The following DLG2 variants were observed in gnomAD, a reference collection of about 807,000 sequenced individuals.
DLG2 encodes disks large homolog 2.
In DLG2, 45 loss-of-function variants were observed where a neutral mutation model predicts 132.5. The observed-to-expected ratio is 0.34, with a 90% CI of 0.27 to 0.44. The LOEUF (loss-of-function observed/expected upper bound fraction) is 0.44, where lower values mean the gene tolerates loss of function less well. DLG2 is among the 20% of genes least tolerant of loss of function. The pLI, the probability that DLG2 is intolerant of heterozygous loss-of-function variation, is 1.00. For synonymous variants in DLG2, 424 were observed against 419.6 expected, an observed-to-expected ratio of 1.01 and a Z score of -0.13; for missense variants, 1,045 against 1,196.9, an observed-to-expected ratio of 0.87 and a Z score of 1.87.
At chr11:84,988,744 G>T (rs1217200884) in intron 6 of DLG2, among the ~76,000 whole-genome samples, 1 of 152,094 alleles carries the variant, frequency 6.6e-6, no homozygotes, top group African/African-American at 2.4e-5. Flanking sequence ...GGGAGTGAGG[G>T]ATAAAAGATT....
chr11:84,522,053 A>T (rs2099303655), intron 7 of DLG2, among the ~76,000 whole-genome samples: 1 of 152,144 alleles, frequency 6.6e-6, no homozygotes, highest in Non-Finnish European at 1.5e-5. Flanking sequence ...CTGTAGTCCC[A>T]GCTACTTGGG....
intron 7 of DLG2, among the ~76,000 whole-genome samples, chr11:84,320,689 C>T (rs554110531): frequency 8.5e-4 from 130 of 152,286 alleles, no homozygotes; most frequent in African/African-American, 3.0e-3. Flanking sequence ...TTAGTCATAA[C>T]TTTTGTGAGA....
At chr11:85,475,458 T>TA (rs1253316169) in intron 3 of DLG2, among the ~76,000 whole-genome samples, 1 of 152,072 alleles carries the variant, frequency 6.6e-6, no homozygotes, top group East Asian at 1.9e-4. Flanking sequence ...GTCAAAACTC[T>TA]ATAAAATAAT....
At chr11:83,568,597 G>A (rs897302200) in intron 19 of DLG2, among the ~76,000 whole-genome samples, 5 of 152,068 alleles carry the variant, frequency 3.3e-5, no homozygotes, top group African/African-American at 9.7e-5. Flanking sequence ...AGAGGAAGAG[G>A]GAAGAGTCAT....
chr11:84,565,960 G>GTTT (rs748005006), intron 6 of DLG2, among the ~76,000 whole-genome samples: 7,994 of 139,418 alleles, frequency 0.057, 342 homozygotes, highest in South Asian at 0.11. Flanking sequence ...ATATGATGAA[G>GTTT]TTTTTTTTTT....
At chr11:85,136,685 T>C (rs183574480) in intron 5 of DLG2, among the ~76,000 whole-genome samples, 117 of 152,352 alleles carry the variant, frequency 7.7e-4, no homozygotes, top group African/African-American at 2.8e-3. Context: ...TTACTTGCAC[T>C]AAACCTGTAC....
rs180993760 is a variant in DLG2, at chr11:84,502,408, T to C, written c.519+32162A>G. On this transcript the variant is annotated intron_variant, in intron 7 of 27. Transcript: ENST00000376104. ...TTTCTTTCTTTCTTTCTTTCTTTCT[T>C]TCTTTCTATACAGAGTCTCATGCTG... Among the ~76,000 whole-genome samples the C allele has an allele frequency of 8.1e-5, 9 of 110,784 alleles. No homozygotes were observed. The East Asian group carries it at 1.1e-3, about 14-fold the overall frequency. The allele number at this position is 110,784 out of a possible 152,430, so 72.7% of individuals were successfully genotyped here. A position where few individuals can be genotyped will look rare whatever the true frequency, so the allele number is the denominator to read the frequency against.
chr11:83,461,199 G>T (rs182943371), intron 27 of DLG2, among the ~76,000 whole-genome samples: 5 of 151,462 alleles, frequency 3.3e-5, no homozygotes, highest in African/African-American at 1.2e-4. Context: ...TAGTAGAGAC[G>T]GGGGTTTCAC....
intron 21 of DLG2, among the ~76,000 whole-genome samples, chr11:83,505,147 G>A (rs141769072): frequency 1.2e-3 from 186 of 152,298 alleles, no homozygotes; most frequent in African/African-American, 4.3e-3. Flanking sequence ...CAGAGTAAGT[G>A]TCTATTCCAG....
rs903395791 is a variant in DLG2 at position 85,292,378 on chromosome 11, G to C, written c.41-7013C>G. 4.6e-5 allele frequency among the ~76,000 whole-genome samples: 7 copies of C among 151,950 alleles called. No homozygotes were observed. In the South Asian group the frequency reaches 1.2e-3, roughly 27 times the overall value. ...GAGGAAGGGACTGAAGTTGAATGTA[G>C]ATGAAATGAAAATATAAATTTCACA... On this transcript the variant is annotated intron_variant, in intron 3 of 27. Coordinates refer to ENST00000376104, the MANE Select transcript of DLG2 (RefSeq NM_001142699.3).
chr11:84,399,248 A>G (rs1178443923), intron 7 of DLG2, among the ~76,000 whole-genome samples: 2 of 151,614 alleles, frequency 1.3e-5, no homozygotes, highest in East Asian at 3.9e-4. Context: ...GTCACCTTTA[A>G]CCCTCCTGAG....
At chr11:83,641,288 C>T (rs915611942) in intron 18 of DLG2, among the ~76,000 whole-genome samples, 5 of 152,196 alleles carry the variant, frequency 3.3e-5, no homozygotes, top group African/African-American at 4.8e-5. Flanking sequence ...CTCTTTCCAC[C>T]GGACTCTTAA....
chr11:83,611,027 C>G (rs2060037831), intron 19 of DLG2, among the ~76,000 whole-genome samples: 2 of 152,140 alleles, frequency 1.3e-5, no homozygotes, highest in African/African-American at 2.4e-5. Flanking sequence ...AACACAAAAA[C>G]ATTATTTATC....
intron 3 of DLG2, among the ~76,000 whole-genome samples, chr11:85,346,854 G>A (rs963044061): frequency 6.6e-6 from 1 of 152,078 alleles, no homozygotes; most frequent in African/African-American, 2.4e-5. Context: ...GAGGCGGGAA[G>A]TAGTCAATGA....
chr11:83,786,779 T>G lies in DLG2; in HGVS notation c.1736A>C (p.Asp579Ala). ...GDQILSVNGI[D>A]LRGASHEQAA... The stretch of plus-strand genomic sequence containing the variant: ...CTGCTCGTGGGATGCACCACGGAGG[T>G]CAATGCCATTCACCTGAAAGAGAGG... The change falls in exon 18 of 28, where the codon GAC becomes GCC. Residue 579 changes from aspartate to alanine, a missense_variant. Coordinates refer to ENST00000376104, the MANE Select transcript of DLG2 (RefSeq NM_001142699.3). 3 of 1,613,920 alleles carry G rather than the reference T, an allele frequency of 1.9e-6. No individual in the cohort carries two copies. Among genetic ancestry groups the G allele is most frequent in the Non-Finnish European group, 2.5e-6 (3 of 1,179,934 alleles).
At chr11:84,308,659 A>G (rs910026975) in intron 7 of DLG2, among the ~76,000 whole-genome samples, 1 of 152,060 alleles carries the variant, frequency 6.6e-6, no homozygotes, top group Non-Finnish European at 1.5e-5. Context: ...GGGGAGGCTC[A>G]GGCATGGTCC....
chr11:83,993,597 A>G (rs1376472448), intron 11 of DLG2, among the ~76,000 whole-genome samples: 5 of 152,294 alleles, frequency 3.3e-5, no homozygotes, highest in African/African-American at 1.2e-4. Flanking sequence ...GGGCTGTATG[A>G]TAGAATGTGA....
chr11:84,777,641 G>A (rs1461018807), intron 6 of DLG2, among the ~76,000 whole-genome samples: 1 of 150,934 alleles, frequency 6.6e-6, no homozygotes, highest in Non-Finnish European at 1.5e-5. Flanking sequence ...TATTTATTTT[G>A]TTTCTTTAAA....
intron 3 of DLG2, among the ~76,000 whole-genome samples, chr11:85,414,878 T>C (rs2089679940): frequency 6.6e-6 from 1 of 152,146 alleles, no homozygotes; most frequent in African/African-American, 2.4e-5. Flanking sequence ...TTCATTATTA[T>C]ACTTTAAGTT....
Sources: allele counts gnomAD v4.1 joint callset (sites outside exome capture counted in the v4.1 genomes callset), GRCh38; gene constraint gnomAD v4.1.1; transcripts MANE v1.5; gene names NCBI Gene and HGNC (gene_info 2026-07-23, HGNC 2026-07-21).